HFM1: variants seen among roughly 807,000 people sequenced by gnomAD.
HFM1 encodes the protein helicase for meiosis 1, also known as probable ATP-dependent DNA helicase HFM1.
A neutral mutation model predicts 192.1 loss-of-function variants in HFM1; 169 were observed. The ratio of observed to expected loss-of-function variants is 0.88; its 90% confidence interval spans 0.78 to 1.00. The LOEUF is 1.00. Ranked by LOEUF, HFM1 falls within the 50% of genes least tolerant of loss-of-function variation. The pLI, the probability that HFM1 is intolerant of heterozygous loss-of-function variation, is 0.00. For missense variants in HFM1, 1,661 were observed against 1,668.0 expected (o/e 1.00, Z 0.07); for synonymous variants, 525 against 537.8 (o/e 0.98, Z 0.33).
At chr1:91,357,705 C>T (rs929218887) in intron 13 of HFM1, among the ~76,000 whole-genome samples, 2 of 151,970 alleles carry the variant, frequency 1.3e-5, no homozygotes, top group East Asian at 1.9e-4. Flanking sequence ...GTAAAAAAAC[C>T]TCAAAGATTC....
chr1:91,394,625 A>G (rs1180205121), intron 3 of HFM1, among the ~76,000 whole-genome samples: 1 of 152,104 alleles, frequency 6.6e-6, no homozygotes, highest in Admixed American at 6.5e-5. Flanking sequence ...ATTAATGTGG[A>G]AGTATTGAAT....
At chr1:91,396,599 C>G (rs1053257625) in intron 2 of HFM1, among the ~76,000 whole-genome samples, 194 bp from the exon 3 acceptor site, 1 of 152,182 alleles carries the variant, frequency 6.6e-6, no homozygotes, top group African/African-American at 2.4e-5. Context: ...AATGATACCG[C>G]TGTGTGAGAT....
At chr1:91,391,801 G>C (rs939148431) in intron 4 of HFM1, among the ~76,000 whole-genome samples, 2 of 152,168 alleles carry the variant, frequency 1.3e-5, no homozygotes, top group African/African-American at 4.8e-5. Context: ...ACTACCATCA[G>C]AGTGAACAGG....
At chr1:91,278,367 G>A (rs1667149541) in intron 30 of HFM1, among the ~76,000 whole-genome samples, 1 of 152,082 alleles carries the variant, frequency 6.6e-6, no homozygotes, top group African/African-American at 2.4e-5. Context: ...CACGGGGAAG[G>A]AGAGAGATGT....
chr1:91,331,150 A>C (rs1172994512), intron 20 of HFM1, among the ~76,000 whole-genome samples: 1 of 152,246 alleles, frequency 6.6e-6, no homozygotes, highest in Non-Finnish European at 1.5e-5. Flanking sequence ...GGAGAAATTA[A>C]TAAAGGACAT....
intron 20 of HFM1, among the ~76,000 whole-genome samples, chr1:91,342,796 A>G (rs984672896): frequency 6.6e-6 from 1 of 152,216 alleles, no homozygotes; most frequent in African/African-American, 2.4e-5. Context: ...ATGGTTGAAT[A>G]TTTAAGAATA....
chr1:91,326,004 A>G (rs1214968967), intron 20 of HFM1, among the ~76,000 whole-genome samples: 1 of 152,082 alleles, frequency 6.6e-6, no homozygotes, highest in Non-Finnish European at 1.5e-5. Context: ...AGCAACACTG[A>G]TCAAGCAGAA....
At chr1:91,357,302 C>T (rs1354995392) in intron 13 of HFM1, among the ~76,000 whole-genome samples, 2 of 152,066 alleles carry the variant, frequency 1.3e-5, no homozygotes, top group Admixed American at 6.6e-5. Flanking sequence ...TAATATATGC[C>T]AATCAACCAC....
intron 19 of HFM1, among the ~76,000 whole-genome samples, chr1:91,346,066 CT>C (rs1656093964): frequency 6.6e-6 from 1 of 152,174 alleles, no homozygotes; most frequent in African/African-American, 2.4e-5. Context: ...GTTAATCTGT[CT>C]TGTTACAGGA....
At chr1:91,364,066 T>G (rs1017559482) in intron 13 of HFM1, among the ~76,000 whole-genome samples, 22 of 152,058 alleles carry the variant, frequency 1.4e-4, no homozygotes, top group African/African-American at 5.3e-4. Context: ...GAATAATAGC[T>G]AATGGATGCT....
intron 19 of HFM1, among the ~76,000 whole-genome samples, chr1:91,346,094 T>C (rs552795816): frequency 3.3e-5 from 5 of 150,234 alleles, no homozygotes; most frequent in African/African-American, 7.4e-5. Flanking sequence ...GCTGTGAACA[T>C]TGCAATGAAT....
rs146519128 is a variant in HFM1, at chr1:91,324,722, C to G, written c.2380G>C (p.Val794Leu). 515 of 1,575,066 alleles carry G rather than the reference C, an allele frequency of 3.3e-4. No individual in the cohort carries two copies. Among genetic ancestry groups the G allele is most frequent in the Middle Eastern group, 6.7e-4 (4 of 6,010 alleles). ...CCACTGATTGTATAAAATTTCTTCA[C>G]TGTCTCAAATGTAATATAATACCAA... is the stretch of plus-strand genomic sequence containing the variant. The part of the protein sequence containing the change: ...MAWYYITFET[V>L]KKFYTISGKE... Residue 794 changes from valine to leucine, a missense_variant, in exon 21 of 39, where the codon GTG becomes CTG. Val to Leu is a conservative substitution (Grantham distance 32, BLOSUM62 1). Coordinates refer to ENST00000370425, the MANE Select transcript of HFM1 (RefSeq NM_001017975.6).
intron 30 of HFM1, among the ~76,000 whole-genome samples, chr1:91,285,441 A>C (rs1453563390): frequency 6.6e-6 from 1 of 152,182 alleles, no homozygotes; most frequent in African/African-American, 2.4e-5. Context: ...ACCATTTGAC[A>C]AGGGATTAGA....
intron 35 of HFM1, 63 bp from the exon 36 acceptor site, chr1:91,266,170 A>C: frequency 7.9e-7 from 1 of 1,272,908 alleles, no homozygotes. Flanking sequence ...AGCTTTTCAC[A>C]AGTTCTACAA....
chr1:91,298,128 G>A (rs1355584565), intron 30 of HFM1, among the ~76,000 whole-genome samples: 1 of 152,156 alleles, frequency 6.6e-6, no homozygotes, highest in Non-Finnish European at 1.5e-5. Context: ...AGCACAAGAA[G>A]TACCTGACGA....
rs1557835833 is a variant in HFM1 at position 91,316,003 on chromosome 1, A to C, written c.2983-31T>G. ...AAAAAGGACAAGTATAAAAAGTGTT[A>C]AAAATAACCTTACTTCTCATACTCA... On this transcript the variant is annotated intron_variant, in intron 27 of 38. Coordinates refer to ENST00000370425, the MANE Select transcript of HFM1 (RefSeq NM_001017975.6). 4.6e-6 allele frequency: 7 copies of C among 1,537,510 alleles called. No homozygotes were observed. The East Asian group carries it at 1.4e-4, about 30-fold the overall frequency.
intron 20 of HFM1, chr1:91,339,015 A>G (rs1325227104): frequency 2.2e-6 from 1 of 455,640 alleles, no homozygotes; most frequent in African/African-American, 2.0e-5. Context: ...GCTGAGCCCA[A>G]GCCCTCTGAA....
intron 13 of HFM1, among the ~76,000 whole-genome samples, chr1:91,373,820 A>G (rs1452925587): frequency 6.6e-6 from 1 of 151,926 alleles, no homozygotes; most frequent in Non-Finnish European, 1.5e-5. Context: ...TTTATAAATT[A>G]CCCAGGCTCA....
chr1:91,274,717 A>T lies in HFM1; in HGVS notation c.3668+13T>A, dbSNP rs771302666. On this transcript the variant is annotated intron_variant, in intron 33 of 38. Transcript: ENST00000370425. Reference sequence around the variant, plus strand: ...TAAATATTTTACCTTAGATATTAACATTATATTTGTACCTTGATATACTAG... The same window carrying T: ...TAAATATTTTACCTTAGATATTAACTTTATATTTGTACCTTGATATACTAG... 7.7e-7 allele frequency: 1 copy of T among 1,304,774 alleles called. No individual in the cohort carries two copies. The highest frequency in any genetic ancestry group is 1.2e-5 in the South Asian group (1 of 80,974). The allele number at this position is 1,304,774 out of a possible 1,614,324, so 80.8% of individuals were successfully genotyped here.
Sources: allele counts gnomAD v4.1 joint callset (sites outside exome capture counted in the v4.1 genomes callset), GRCh38; gene constraint gnomAD v4.1.1; transcripts MANE v1.5; gene names NCBI Gene and HGNC (gene_info 2026-07-23, HGNC 2026-07-21).